Variants in LRMDA observed in about 807,000 individuals in gnomAD.
LRMDA encodes the protein leucine-rich melanocyte differentiation-associated protein.
In LRMDA, 18 loss-of-function variants were observed where a neutral mutation model predicts 29.8. The ratio of observed to expected loss-of-function variants is 0.60; its 90% CI spans 0.42 to 0.90. The LOEUF (loss-of-function observed/expected upper bound fraction) is 0.90, where lower values mean the gene tolerates loss of function less well. Among genes scored for constraint, LRMDA ranks in the 40% least tolerant of loss-of-function variants. The pLI is 0.00. For synonymous variants in LRMDA, 125 were observed against 109.4 expected, an observed-to-expected ratio of 1.14 and a Z score of -0.89; for missense variants, 273 against 273.9, an observed-to-expected ratio of 1.00 and a Z score of 0.02.
intron 2 of LRMDA, among the ~76,000 whole-genome samples, chr10:75,863,182 T>A (rs879689951): frequency 6.6e-6 from 1 of 152,214 alleles, no homozygotes; most frequent in Non-Finnish European, 1.5e-5. Flanking sequence ...CATACTTTTA[T>A]GGCTGGTTGT....
chr10:76,170,342 T>C (rs1451776309), intron 5 of LRMDA, among the ~76,000 whole-genome samples: 3 of 152,250 alleles, frequency 2.0e-5, no homozygotes, highest in Non-Finnish European at 4.4e-5. Flanking sequence ...TGGTGAAGTC[T>C]GTGCCAGAGA....
At chr10:76,122,638 G>A (rs998460374) in intron 5 of LRMDA, among the ~76,000 whole-genome samples, 10 of 152,138 alleles carry the variant, frequency 6.6e-5, no homozygotes, top group Non-Finnish European at 1.2e-4. Flanking sequence ...TGCTGTTGCT[G>A]TTAACTTGTT....
chr10:75,514,213 C>T, intron 2 of LRMDA, among the ~76,000 whole-genome samples: 1 of 140,736 alleles, frequency 7.1e-6, no homozygotes. Flanking sequence ...AGAGAAGATT[C>T]TACCACTTTT....
At chr10:75,947,457 G>A (rs9299531) in intron 2 of LRMDA, among the ~76,000 whole-genome samples, 36,366 of 151,952 alleles carry the variant, frequency 0.24, 4,666 homozygotes, top group South Asian at 0.42. Context: ...GCTGGGCTCC[G>A]GATATTCATG....
At chr10:75,715,271 A>G (rs541580835) in intron 2 of LRMDA, among the ~76,000 whole-genome samples, 2 of 152,292 alleles carry the variant, frequency 1.3e-5, no homozygotes, top group East Asian at 3.9e-4. Context: ...AACAAAAGAA[A>G]GTTTGTTATA....
chr10:75,438,588 T>C, intron 2 of LRMDA, 94 bp downstream of exon 2: 2 of 900,480 alleles, frequency 2.2e-6, no homozygotes, highest in Admixed American at 2.2e-5. Flanking sequence ...ATGTTCCAAC[T>C]CCACATGGGT....
intron 6 of LRMDA, among the ~76,000 whole-genome samples, chr10:76,397,280 G>C (rs929185837): frequency 3.9e-5 from 6 of 152,114 alleles, no homozygotes; most frequent in Admixed American, 6.5e-5. Context: ...CGGCTCCCCA[G>C]GAGCCTTGGA....
intron 6 of LRMDA, among the ~76,000 whole-genome samples, chr10:76,362,112 A>G (rs1018561146): frequency 1.3e-5 from 2 of 152,242 alleles, no homozygotes; most frequent in African/African-American, 2.4e-5. Flanking sequence ...GCAAACCCAC[A>G]TAACACGACA....
intron 2 of LRMDA, among the ~76,000 whole-genome samples, chr10:75,831,538 G>C (rs1844344952): frequency 6.6e-6 from 1 of 152,144 alleles, no homozygotes; most frequent in Admixed American, 6.5e-5. Context: ...CCAGGTGCAT[G>C]GTACAAACTG....
chr10:76,553,930 C>T (rs1277873430), intron 6 of LRMDA, among the ~76,000 whole-genome samples: 3 of 152,254 alleles, frequency 2.0e-5, no homozygotes, highest in African/African-American at 7.2e-5. Flanking sequence ...GACTGAGTGC[C>T]GTCCTTTCTG....
chr10:75,689,531 C>T (rs1842119854), intron 2 of LRMDA, among the ~76,000 whole-genome samples: 1 of 152,136 alleles, frequency 6.6e-6, no homozygotes, highest in Non-Finnish European at 1.5e-5. Flanking sequence ...CCTTTGCCCT[C>T]CCTATCATCG....
chr10:76,164,554 A>G (rs1236385558), intron 5 of LRMDA, among the ~76,000 whole-genome samples: 1 of 152,168 alleles, frequency 6.6e-6, no homozygotes, highest in East Asian at 1.9e-4. Flanking sequence ...AACAAAGAAT[A>G]TTTGAGATAT....
At chr10:76,172,013 C>A (rs1394865229) in intron 5 of LRMDA, among the ~76,000 whole-genome samples, 1 of 152,104 alleles carries the variant, frequency 6.6e-6, no homozygotes, top group Non-Finnish European at 1.5e-5. Flanking sequence ...AGAAAGGGAG[C>A]TGGGAATATG....
chr10:76,335,363 G>T (rs1214878838), intron 6 of LRMDA, among the ~76,000 whole-genome samples: 1 of 152,182 alleles, frequency 6.6e-6, no homozygotes, highest in Non-Finnish European at 1.5e-5. Flanking sequence ...AGTTTTTCTT[G>T]TTGCACAGAA....
chr10:75,447,385 G>T (rs1440198732), intron 2 of LRMDA, among the ~76,000 whole-genome samples: 3 of 152,058 alleles, frequency 2.0e-5, no homozygotes, highest in Admixed American at 6.5e-5. Context: ...AATTAGCAGG[G>T]CGTGGTGGTG....
chr10:76,272,899 A>G (rs1462044871), intron 5 of LRMDA, among the ~76,000 whole-genome samples: 5 of 152,190 alleles, frequency 3.3e-5, no homozygotes, highest in African/African-American at 9.6e-5. Flanking sequence ...CTCACTCACT[A>G]TCATGAGAAC....
At chr10:76,309,352 G>A (rs1369226979) in intron 5 of LRMDA, among the ~76,000 whole-genome samples, 2 of 152,052 alleles carry the variant, frequency 1.3e-5, no homozygotes, top group African/African-American at 4.8e-5. Context: ...GGGTGGTGGA[G>A]GTAATAATGA....
chr10:76,203,250 G>A (rs1851466247), intron 5 of LRMDA, among the ~76,000 whole-genome samples: 1 of 152,146 alleles, frequency 6.6e-6, no homozygotes. Flanking sequence ...TCTGGCCTCA[G>A]CTTCTTCACT....
chr10:76,229,683 C>G (rs1321009352), intron 5 of LRMDA, among the ~76,000 whole-genome samples: 1 of 152,116 alleles, frequency 6.6e-6, no homozygotes, highest in Non-Finnish European at 1.5e-5. Flanking sequence ...AAATACTCAG[C>G]ATATCAACAC....
Sources: allele counts gnomAD v4.1 joint callset (sites outside exome capture counted in the v4.1 genomes callset), GRCh38; gene constraint gnomAD v4.1.1; transcripts MANE v1.5; gene names NCBI Gene and HGNC (gene_info 2026-07-23, HGNC 2026-07-21).